NENF: variants seen among roughly 807,000 people sequenced by gnomAD.
NENF encodes neudesin neurotrophic factor.
NENF carries 6 observed loss-of-function variants against 14.8 expected under a neutral mutation model. The ratio of observed to expected loss-of-function variants is 0.40; its 90% CI spans 0.22 to 0.80. The LOEUF is 0.80. Ranked by LOEUF, NENF falls within the 30% of genes least tolerant of loss-of-function variation. The pLI, the probability that NENF is intolerant of heterozygous loss-of-function variation, is 0.34. For synonymous variants in NENF, 76 were observed against 95.1 expected, an observed-to-expected ratio of 0.80 and a Z score of 1.17; for missense variants, 184 against 212.7, an observed-to-expected ratio of 0.87 and a Z score of 0.84.
intron 2 of NENF, 36 bp downstream of exon 2, chr1:212,442,661 G>A (rs1662716070): frequency 1.9e-6 from 3 of 1,552,674 alleles, no homozygotes; most frequent in Non-Finnish European, 2.7e-6. Context: ...TCATTTCCAG[G>A]GAGCACAGAA....
At chr1:212,438,744 G>A (rs1454043496) in intron 1 of NENF, among the ~76,000 whole-genome samples, 2 of 151,670 alleles carry the variant, frequency 1.3e-5, no homozygotes, top group Non-Finnish European at 1.5e-5. Context: ...AGCCTCCCCA[G>A]TAGCTGGGAT....
Position 212,446,320 on chromosome 1 carries a change from C to A in NENF, c.*314C>A, listed in dbSNP as rs1662778352. ...TTTTCTGTGCTTGACAGATTTTCAG[C>A]CATGACCATGTTCACTTTATAATCA... On this transcript the variant is annotated 3_prime_UTR_variant, in exon 4 of 4. Coordinates refer to ENST00000366988, the MANE Select transcript of NENF (RefSeq NM_013349.5). The A allele has an allele frequency of 3.7e-6, 1 of 273,826 alleles. No homozygotes were observed. Among genetic ancestry groups the A allele is most frequent in the African/African-American group, 2.2e-5 (1 of 45,756 alleles). 17.0% of individuals were successfully genotyped at this position (273,826 alleles called of 1,614,324 possible).
intron 1 of NENF, among the ~76,000 whole-genome samples, chr1:212,437,063 T>C (rs150501751): frequency 6.6e-6 from 1 of 152,158 alleles, no homozygotes; most frequent in Non-Finnish European, 1.5e-5. Context: ...AAATGTTAGC[T>C]ACTATTATTT....
chr1:212,433,233 C>A lies in NENF; in HGVS notation c.177+113C>A. On this transcript the variant is annotated intron_variant, in intron 1 of 3. Transcript: ENST00000366988. The surrounding 1 kb of genome is among the most constrained non-coding windows in gnomAD (Gnocchi z 5.5). ...CAGGAAGCTCTGGGGGACGCGCGGC[C>A]CGCGGCGGGCGCCCTGGGCCGGCGG... 1.6e-6 allele frequency: 1 copy of A among 623,406 alleles called. No individual in the cohort carries two copies. Among genetic ancestry groups the A allele is most frequent in the Non-Finnish European group, 2.2e-6 (1 of 463,478 alleles). 38.6% of individuals were successfully genotyped at this position (623,406 alleles called of 1,614,324 possible). A position where few individuals can be genotyped will look rare whatever the true frequency, so the allele number is the denominator to read the frequency against.
chr1:212,444,057 C>A (rs1457930478), intron 2 of NENF, among the ~76,000 whole-genome samples: 3 of 150,782 alleles, frequency 2.0e-5, no homozygotes, highest in Non-Finnish European at 4.4e-5. Context: ...CAAAAAAAAA[C>A]AACAACAAAA....
intron 1 of NENF, among the ~76,000 whole-genome samples, chr1:212,435,876 C>T (rs56396668): frequency 0.053 from 8,012 of 152,112 alleles, 704 homozygotes; most frequent in African/African-American, 0.18. Flanking sequence ...CTACTGTTGA[C>T]CACAAGACCC....
At chr1:212,444,511 T>G in intron 3 of NENF, 69 bp downstream of exon 3, 1 of 1,045,626 alleles carries the variant, frequency 9.6e-7, no homozygotes, top group Non-Finnish European at 1.4e-6. Context: ...CTTTTTCTTT[T>G]TCTTTTCGTG....
In NENF at chr1:212,433,948, G is replaced by A. The variant is rs1216169647; in HGVS notation, c.177+828G>A. 6.6e-6 allele frequency among the ~76,000 whole-genome samples: 1 copy of A among 152,172 alleles called. No individual in the cohort carries two copies. Among genetic ancestry groups the A allele is most frequent in the Admixed American group, 6.5e-5 (1 of 15,272 alleles). ...CAGAGCTGGCAGGAACCCATCTCCT[G>A]CTTTTACACATAAGGAAACTGAGGC... On this transcript the variant is annotated intron_variant, in intron 1 of 3. Transcript: ENST00000366988. This position sits in a 1 kb window ranked among gnomAD's most constrained non-coding sequence, Gnocchi z 5.5.
rs542309550 is a variant in NENF, at chr1:212,433,894, T to G, written c.177+774T>G. On this transcript the variant is annotated intron_variant, in intron 1 of 3. Transcript: ENST00000366988. This position sits in a 1 kb window ranked among gnomAD's most constrained non-coding sequence, Gnocchi z 5.5. ...TAGATGTGGAGCGGGGGAACGGCAT[T>G]GGGGGGAGGTCATAGTACCATAGTA... Among the ~76,000 whole-genome samples, 2 of 151,962 alleles carry G rather than the reference T, an allele frequency of 1.3e-5. No homozygotes were observed. Among genetic ancestry groups the G allele is most frequent in the South Asian group, 4.2e-4 (2 of 4,788 alleles).
rs374353548 is a variant in NENF, at chr1:212,439,736, T to C, written c.178-2829T>C. The stretch of plus-strand genomic sequence containing the variant: ...TTGGCCAGGCGTGGTGACACACGTC[T>C]GTAATCCCAGCTACCCTGGAGGCTG... On this transcript the variant is annotated intron_variant, in intron 1 of 3. Transcript: ENST00000366988. Among the ~76,000 whole-genome samples the C allele has an allele frequency of 2.0e-5, 3 of 148,498 alleles. No individual in the cohort carries two copies. In the East Asian group the frequency reaches 6.0e-4, roughly 30 times the overall value.
Position 212,442,575 on chromosome 1 carries a change from CCATCTA to C in NENF, c.190_195del (p.Ile64_Tyr65del). The stretch of plus-strand genomic sequence containing the variant: ...TCCCCTGCTTTCTAGGAAGATCAGC[CCATCTA>C]CTTGGCAGTGAAGGGAGTGGTGTTT... On this transcript the variant is annotated inframe_deletion, in exon 2 of 4. Coordinates refer to ENST00000366988, the MANE Select transcript of NENF (RefSeq NM_013349.5). The C allele has an allele frequency of 6.2e-7, 1 of 1,613,210 alleles. No homozygotes were observed. Among genetic ancestry groups the C allele is most frequent in the Non-Finnish European group, 8.5e-7 (1 of 1,179,256 alleles).
chr1:212,434,251 G>A (rs769050617), intron 1 of NENF, among the ~76,000 whole-genome samples: 1 of 152,130 alleles, frequency 6.6e-6, no homozygotes, highest in South Asian at 2.1e-4. Flanking sequence ...GAACCAGATG[G>A]TTCAGAGTCC....
At chr1:212,436,982 A>G (rs1662610502) in intron 1 of NENF, among the ~76,000 whole-genome samples, 1 of 151,986 alleles carries the variant, frequency 6.6e-6, no homozygotes, top group Non-Finnish European at 1.5e-5. Context: ...GAATGCCTGC[A>G]TTAAATGAGA....
rs1662777886 is a variant in NENF at position 212,446,279 on chromosome 1, G to A, written c.*273G>A. 3 of 393,232 alleles carry A rather than the reference G, an allele frequency of 7.6e-6. No individual in the cohort carries two copies. The highest frequency in any genetic ancestry group is 8.7e-5 in the East Asian group (2 of 22,858). The allele number at this position is 393,232 out of a possible 1,614,324, so 24.4% of individuals were successfully genotyped here. A position where few individuals can be genotyped will look rare whatever the true frequency, so the allele number is the denominator to read the frequency against. Reference sequence around the variant, plus strand: ...CTGGCTGGGCAGTGGAATTTTGAGCGACCTTTACTTTATACTTTTCTGTGC... The same window carrying A: ...CTGGCTGGGCAGTGGAATTTTGAGCAACCTTTACTTTATACTTTTCTGTGC... On this transcript the variant is annotated 3_prime_UTR_variant, in exon 4 of 4. Coordinates refer to ENST00000366988, the MANE Select transcript of NENF (RefSeq NM_013349.5).
chr1:212,435,510 ATAACT>A (rs1662589652), intron 1 of NENF, among the ~76,000 whole-genome samples: 1 of 149,834 alleles, frequency 6.7e-6, no homozygotes, highest in Non-Finnish European at 1.5e-5. Context: ...CCAGCCATGT[ATAACT>A]TTTGACTACC....
At chr1:212,437,894 C>T (rs1571701494) in intron 1 of NENF, among the ~76,000 whole-genome samples, 1 of 152,164 alleles carries the variant, frequency 6.6e-6, no homozygotes, top group East Asian at 1.9e-4. Context: ...TGGCTCACAC[C>T]TGTAGTCCCA....
Position 212,445,965 on chromosome 1 carries a change from C to A in NENF, c.478C>A (p.Pro160Thr). The change falls in exon 4 of 4, where the codon CCT becomes ACT. Residue 160 changes from proline (P) to threonine (T), a missense_variant. By Grantham distance (38) the Pro-to-Thr change is conservative. Transcript: ENST00000366988. The part of the protein sequence containing the change: ...EDGSPNLDFK[P>T]EDQPHFDIKD... ...TGGCAGCCCTAACCTGGACTTCAAG[C>A]CTGAAGACCAGCCCCATTTTGACAT... 9.9e-6 allele frequency: 16 copies of A among 1,614,190 alleles called. No individual in the cohort carries two copies. Among genetic ancestry groups the A allele is most frequent in the Non-Finnish European group, 1.4e-5 (16 of 1,180,036 alleles).
chr1:212,445,644 C>T (rs1237961384), intron 3 of NENF, among the ~76,000 whole-genome samples, 186 bp from the exon 4 acceptor site: 2 of 151,176 alleles, frequency 1.3e-5, no homozygotes, highest in Non-Finnish European at 2.9e-5. Flanking sequence ...GTATGTTATA[C>T]CCTCCCACCC....
intron 1 of NENF, among the ~76,000 whole-genome samples, chr1:212,440,251 C>CAA (rs371489983): frequency 1.5e-4 from 13 of 87,038 alleles, no homozygotes; most frequent in Non-Finnish European, 2.4e-4. Flanking sequence ...GACTCTGTCT[C>CAA]AAAAAAAAAA....
Sources: gnomAD v4.1 joint callset for allele counts (sites outside exome capture counted in the v4.1 genomes callset) on GRCh38, gnomAD v4.1.1 for gene constraint, Gnocchi (gnomAD v3.1) non-coding constraint, MANE v1.5 for transcripts, NCBI Gene and HGNC (gene_info 2026-07-23, HGNC 2026-07-21) for gene names.